ZNF534: variants seen among roughly 807,000 people sequenced by gnomAD.
ZNF534 encodes the protein KRAB domain only 3.
ZNF534 carries 19 observed loss-of-function variants against 13.6 expected under a neutral mutation model. The observed-to-expected ratio is 1.40, with a 90% CI of 0.97 to 2.05. The LOEUF (loss-of-function observed/expected upper bound fraction) is 2.05. Among genes scored for constraint, ZNF534 ranks in the 30% most tolerant of loss-of-function variants. The pLI is 0.00. For synonymous variants in ZNF534, 244 were observed against 273.8 expected (o/e 0.89, Z 1.07); for missense variants, 782 against 796.3 (o/e 0.98, Z 0.22).
exon 5 of ZNF534, chr19:52,451,242 G>T (rs1317290576): frequency 1.3e-6 from 1 of 746,136 alleles, no homozygotes; most frequent in Non-Finnish European, 2.4e-6. Context: ...CCTGGCGCGC[G>T]TCCGGAGGTG....
At chr19:52,436,485 C>G (rs2059129933) in intron 4 of ZNF534, among the ~76,000 whole-genome samples, 1 of 152,066 alleles carries the variant, frequency 6.6e-6, no homozygotes, top group African/African-American at 2.4e-5. Context: ...ATATTCAGTT[C>G]TTTCCTCAGA....
intron 4 of ZNF534, among the ~76,000 whole-genome samples, chr19:52,436,959 G>A (rs1321150916): frequency 6.6e-6 from 1 of 151,816 alleles, no homozygotes; most frequent in Non-Finnish European, 1.5e-5. Context: ...CATAGGCCTT[G>A]TATGGTAGTT....
rs1304030270 is a variant in ZNF534 at position 52,441,594 on chromosome 19, A to G, written c.*2148A>G. On this transcript the variant is annotated 3_prime_UTR_variant, in exon 5 of 5. Transcript: ENST00000433050. The stretch of plus-strand genomic sequence containing the variant: ...TCACTATAGAATTCATACTGCAGAG[A>G]AGCCTTACAAATGCAGCGAATGTGA... 6.6e-6 allele frequency among the ~76,000 whole-genome samples: 1 copy of G among 152,210 alleles called. No individual in the cohort carries two copies. Among genetic ancestry groups the G allele is most frequent in the Non-Finnish European group, 1.5e-5 (1 of 68,038 alleles).
downstream of ZNF534, among the ~76,000 whole-genome samples, chr19:52,445,176 C>T (rs1047939755): frequency 6.9e-6 from 1 of 145,620 alleles, no homozygotes; most frequent in Non-Finnish European, 1.5e-5. Context: ...TTTCCCGCTA[C>T]CCTTGTTTTT....
chr19:52,441,496 C>CA lies in ZNF534; in HGVS notation c.*2051dup, dbSNP rs2059172379. Reference sequence around the variant, plus strand: ...CAGTACTGCACTCCAGCCTGGGTGACAGAGTGAGACCCTATCTACAAATAT... The same window carrying CA: ...CAGTACTGCACTCCAGCCTGGGTGACAAGAGTGAGACCCTATCTACAAATAT... On this transcript the variant is annotated 3_prime_UTR_variant, in exon 5 of 5. Coordinates refer to ENST00000433050, the MANE Select transcript of ZNF534 (RefSeq NM_001143938.3). Among the ~76,000 whole-genome samples the CA allele has an allele frequency of 6.6e-6, 1 of 152,208 alleles. No individual in the cohort carries two copies. The highest frequency in any genetic ancestry group is 6.5e-5 in the Admixed American group (1 of 15,286).
At chr19:52,451,291 T>A in exon 5 of ZNF534, 1 of 1,074,734 alleles carries the variant, frequency 9.3e-7, no homozygotes, top group Non-Finnish European at 1.4e-6. Context: ...GGGAAATGAC[T>A]CCCCTCTGCC....
At chr19:52,451,487 C>T (rs1403425538) in exon 5 of ZNF534, 4 of 566,976 alleles carry the variant, frequency 7.1e-6, no homozygotes, top group Non-Finnish European at 1.2e-5. Context: ...CAGAGGCTGC[C>T]GCGGAGCTAA....
chr19:52,437,728 C>A lies in ZNF534; in HGVS notation c.272-4C>A. On this transcript the variant is annotated splice_region_variant and splice_polypyrimidine_tract_variant and intron_variant, in intron 4 of 4. Coordinates refer to ENST00000433050, the MANE Select transcript of ZNF534 (RefSeq NM_001143938.3). ...TAAGTTCTAAAATTTTCTTGCTTTT[C>A]TAGAGAAGAGTTCTAAATTGGGAAG... 1 of 1,550,718 alleles carries A rather than the reference C, an allele frequency of 6.4e-7. No homozygotes were observed. The highest frequency in any genetic ancestry group is 1.3e-5 in the South Asian group (1 of 79,900).
chr19:52,444,358 A>G (rs1486190290), downstream of ZNF534, among the ~76,000 whole-genome samples: 1 of 152,126 alleles, frequency 6.6e-6, no homozygotes, highest in Non-Finnish European at 1.5e-5. Flanking sequence ...CGAACTGTCT[A>G]TGAGTCTCTC....
intron 4 of ZNF534, 59 bp from the exon 5 acceptor site, chr19:52,437,673 G>A: frequency 6.9e-7 from 1 of 1,453,528 alleles, no homozygotes; most frequent in Non-Finnish European, 9.2e-7. Flanking sequence ...CTTGTTTTCT[G>A]TCAGACTTTA....
downstream of ZNF534, among the ~76,000 whole-genome samples, chr19:52,444,091 A>T (rs2059185893): frequency 6.7e-6 from 1 of 148,290 alleles, no homozygotes; most frequent in Non-Finnish European, 1.5e-5. Flanking sequence ...TTGTTATATT[A>T]CCAGAGTTAG....
Position 52,442,163 on chromosome 19 carries a change from G to T in ZNF534, c.*2717G>T, listed in dbSNP as rs921753638. Among the ~76,000 whole-genome samples, 1 of 152,180 alleles carries T rather than the reference G, an allele frequency of 6.6e-6. No individual in the cohort carries two copies. Among genetic ancestry groups the T allele is most frequent in the Non-Finnish European group, 1.5e-5 (1 of 68,026 alleles). Reference sequence around the variant, plus strand: ...TATTGTTTTCTTTTTTCCTAAAAGTGTTGGGAACAGGCCACCAAAACTGGC... The same window carrying T: ...TATTGTTTTCTTTTTTCCTAAAAGTTTTGGGAACAGGCCACCAAAACTGGC... On this transcript the variant is annotated 3_prime_UTR_variant, in exon 5 of 5. Coordinates refer to ENST00000433050, the MANE Select transcript of ZNF534 (RefSeq NM_001143938.3).
Position 52,442,069 on chromosome 19 carries a change from G to A in ZNF534, c.*2623G>A, listed in dbSNP as rs957237997. On this transcript the variant is annotated 3_prime_UTR_variant, in exon 5 of 5. Transcript: ENST00000433050. ...ATCAAAATATACTTTTGGATAAAAC[G>A]ACACAGATGGATTGTATATGCTGAG... Among the ~76,000 whole-genome samples, 9 of 151,978 alleles carry A rather than the reference G, an allele frequency of 5.9e-5. No homozygotes were observed. The highest frequency in any genetic ancestry group is 1.9e-4 in the African/African-American group (8 of 41,358).
chr19:52,435,868 A>G (rs6509637), intron 4 of ZNF534, among the ~76,000 whole-genome samples: 137,258 of 151,080 alleles, frequency 0.91, 62,716 homozygotes, highest in Non-Finnish European at 0.96. Flanking sequence ...GAAAGCCTGA[A>G]TTATTTTTGT....
chr19:52,439,392 T>G lies in ZNF534; in HGVS notation c.1932T>G (p.Ser644Arg). Residue 644 changes from serine to arginine, a missense_variant, in exon 5 of 5, where the codon AGT becomes AGG. Coordinates refer to ENST00000433050, the MANE Select transcript of ZNF534 (RefSeq NM_001143938.3). ...YSCNECGKVF[S>R]KNSILVQHCS... ...GTAATGAATGTGGCAAGGTCTTTAG[T>G]AAAAATTCCATCCTAGTACAACATT... 1 of 1,550,220 alleles carries G rather than the reference T, an allele frequency of 6.5e-7. No homozygotes were observed. Among genetic ancestry groups the G allele is most frequent in the Non-Finnish European group, 8.7e-7 (1 of 1,146,084 alleles).
chr19:52,445,408 G>C (rs992828073), downstream of ZNF534, among the ~76,000 whole-genome samples: 1 of 152,068 alleles, frequency 6.6e-6, no homozygotes, highest in African/African-American at 2.4e-5. Flanking sequence ...TGTTGGCCAG[G>C]CTGGTCTCGA....
At chr19:52,451,241 C>T (rs750638163) in exon 5 of ZNF534, 1 of 740,896 alleles carries the variant, frequency 1.3e-6, no homozygotes, top group Non-Finnish European at 2.4e-6. Flanking sequence ...GCCTGGCGCG[C>T]GTCCGGAGGT....
At chr19:52,433,791 A>G (rs1426879678) in intron 2 of ZNF534, 164 bp from the exon 3 acceptor site, 7 of 775,244 alleles carry the variant, frequency 9.0e-6, no homozygotes, top group Non-Finnish European at 1.6e-5. Flanking sequence ...GGAAAAGTAT[A>G]ATAAAACACA....
At chr19:52,431,950 T>A (rs2122655124) in intron 2 of ZNF534, among the ~76,000 whole-genome samples, 1 of 151,772 alleles carries the variant, frequency 6.6e-6, no homozygotes, top group Middle Eastern at 3.4e-3. Context: ...TGTGTACTAG[T>A]GTATATGAGT....
Sources: allele counts gnomAD v4.1 joint callset (sites outside exome capture counted in the v4.1 genomes callset), GRCh38; gene constraint gnomAD v4.1.1; transcripts MANE v1.5; gene names NCBI Gene and HGNC (gene_info 2026-07-23, HGNC 2026-07-21).